The following TTC28 variants were observed in gnomAD, a reference collection of about 807,000 sequenced individuals.
The protein encoded by TTC28 is tetratricopeptide repeat domain 28, also known as tetratricopeptide repeat protein 28.
Under a neutral mutation model 198.0 loss-of-function variants are expected in TTC28, and 61 were observed. The ratio of observed to expected loss-of-function variants is 0.31; its 90% CI spans 0.25 to 0.38. TTC28 has a LOEUF of 0.38. Among genes scored for constraint, TTC28 ranks in the 10% least tolerant of loss-of-function variants. The probability of loss-of-function intolerance (pLI) is 1.00; values close to 1 mark genes in which losing one functional copy is unlikely to be tolerated. For synonymous variants in TTC28, 1,171 were observed against 1,297.8 expected (o/e 0.90, Z 2.10); for missense variants, 2,678 against 3,164.0 (o/e 0.85, Z 3.69).
At chr22:28,308,269 G>T (rs2045184538) in intron 2 of TTC28, among the ~76,000 whole-genome samples, 1 of 151,954 alleles carries the variant, frequency 6.6e-6, no homozygotes, top group African/African-American at 2.4e-5. Context: ...CACTTTTTAG[G>T]TAGTTTCTAT....
chr22:28,144,995 G>C (rs962476106), intron 6 of TTC28, among the ~76,000 whole-genome samples: 1 of 152,214 alleles, frequency 6.6e-6, no homozygotes, highest in Non-Finnish European at 1.5e-5. Context: ...AAGGTACACA[G>C]CTATGAAATA....
chr22:28,113,884 T>C (rs1014894294), intron 6 of TTC28, among the ~76,000 whole-genome samples: 3 of 152,236 alleles, frequency 2.0e-5, no homozygotes, highest in Non-Finnish European at 4.4e-5. Context: ...GCACTGCATA[T>C]ATTCTTCTAT....
intron 6 of TTC28, among the ~76,000 whole-genome samples, chr22:28,132,884 A>G (rs1442929930): frequency 6.6e-6 from 1 of 152,206 alleles, no homozygotes; most frequent in Non-Finnish European, 1.5e-5. Flanking sequence ...CCTATAGACA[A>G]TGTTAAATAA....
intron 5 of TTC28, among the ~76,000 whole-genome samples, chr22:28,204,665 A>G (rs1211828363): frequency 6.6e-6 from 1 of 152,108 alleles, no homozygotes; most frequent in African/African-American, 2.4e-5. Context: ...ACACACAGCC[A>G]AACAGTAATT....
intron 2 of TTC28, among the ~76,000 whole-genome samples, chr22:28,384,441 C>T (rs1415699887): frequency 6.6e-6 from 1 of 152,156 alleles, no homozygotes; most frequent in African/African-American, 2.4e-5. Flanking sequence ...CTTCTGAGTA[C>T]TTATCATCAT....
chr22:28,590,932 G>A (rs1476690155), intron 2 of TTC28, among the ~76,000 whole-genome samples: 1 of 148,152 alleles, frequency 6.7e-6, no homozygotes, highest in Non-Finnish European at 1.5e-5. Context: ...TCGCAACCCG[G>A]GAGACAGAGG....
chr22:28,332,637 C>T (rs2045634953), intron 2 of TTC28, among the ~76,000 whole-genome samples: 1 of 152,114 alleles, frequency 6.6e-6, no homozygotes, highest in Admixed American at 6.6e-5. Context: ...AATCTTCATT[C>T]ACTTCAGTAC....
chr22:28,197,649 G>T (rs1925511578), intron 5 of TTC28, among the ~76,000 whole-genome samples: 1 of 151,924 alleles, frequency 6.6e-6, no homozygotes, highest in African/African-American at 2.4e-5. Context: ...ATATTGTTAA[G>T]AAAATTAAAT....
intron 1 of TTC28, among the ~76,000 whole-genome samples, chr22:28,663,622 C>T (rs187504622): frequency 0.049 from 6,071 of 123,556 alleles, 211 homozygotes; most frequent in Non-Finnish European, 0.069. Context: ...GAGACTATAT[C>T]CCACACCTGG....
intron 2 of TTC28, among the ~76,000 whole-genome samples, chr22:28,603,841 T>G (rs1257723740): frequency 6.6e-6 from 1 of 152,220 alleles, no homozygotes; most frequent in Non-Finnish European, 1.5e-5. Context: ...CTAAATTTAT[T>G]CAATGACTTC....
intron 2 of TTC28, among the ~76,000 whole-genome samples, chr22:28,386,135 C>T (rs71325293): frequency 2.7e-5 from 4 of 150,634 alleles, no homozygotes; most frequent in Non-Finnish European, 4.4e-5. Flanking sequence ...AATAGCCGGG[C>T]GTAGTGGCGG....
At chr22:28,391,483 C>G (rs1310367301) in intron 2 of TTC28, among the ~76,000 whole-genome samples, 1 of 152,208 alleles carries the variant, frequency 6.6e-6, no homozygotes, top group Non-Finnish European at 1.5e-5. Flanking sequence ...GTACACCAAT[C>G]AGATGTAGAT....
At chr22:28,578,167 AAAT>A (rs1405505729) in intron 2 of TTC28, among the ~76,000 whole-genome samples, 2 of 152,152 alleles carry the variant, frequency 1.3e-5, no homozygotes, top group South Asian at 2.1e-4. Context: ...TAAGGCTTGC[AAAT>A]AATATCTTAT....
At position 28,227,226 on chromosome 22, in the gene TTC28, C is replaced by T. The variant is rs576029543; in HGVS notation, c.934-63627G>A. 9.2e-4 allele frequency among the ~76,000 whole-genome samples: 140 copies of T among 152,258 alleles called. 1 individual carries two copies. Among genetic ancestry groups the T allele is most frequent in the African/African-American group, 3.2e-3 (133 of 41,552 alleles). On this transcript the variant is annotated intron_variant, in intron 5 of 22. Coordinates refer to ENST00000397906, the MANE Select transcript of TTC28 (RefSeq NM_001145418.2). ...AAGTGAATCTTTACCTTACACCATA[C>T]ATAAAAATCAACTCAAAATGGATGA...
At chr22:27,993,655 G>A in intron 17 of TTC28, 137 bp from the exon 18 acceptor site, 1 of 816,244 alleles carries the variant, frequency 1.2e-6, no homozygotes, top group South Asian at 1.8e-5. Flanking sequence ...GGCCAGGCCT[G>A]AGGATGTGAC....
intron 5 of TTC28, among the ~76,000 whole-genome samples, chr22:28,244,191 C>T (rs904780871): frequency 2.3e-4 from 35 of 151,938 alleles, no homozygotes; most frequent in Admixed American, 3.3e-4. Flanking sequence ...CAGAGTTGGG[C>T]GGGTTTGAGT....
chr22:28,066,701 G>A (rs1303191447), intron 12 of TTC28, among the ~76,000 whole-genome samples: 1 of 152,136 alleles, frequency 6.6e-6, no homozygotes, highest in Non-Finnish European at 1.5e-5. Context: ...TGTCTCACTG[G>A]ACAACTTGGG....
intron 20 of TTC28, 49 bp downstream of exon 20, chr22:27,990,740 G>A: frequency 1.3e-6 from 2 of 1,536,886 alleles, no homozygotes; most frequent in South Asian, 1.2e-5. Flanking sequence ...GGGGGTGGGT[G>A]GGTTGAGGGG....
chr22:28,323,076 C>T (rs1233533132), intron 2 of TTC28, among the ~76,000 whole-genome samples: 1 of 152,188 alleles, frequency 6.6e-6, no homozygotes, highest in Non-Finnish European at 1.5e-5. Context: ...ACATTTCTTA[C>T]AGGTTTCAGG....
Sources: gnomAD v4.1 joint callset for allele counts (sites outside exome capture counted in the v4.1 genomes callset) on GRCh38, gnomAD v4.1.1 for gene constraint, MANE v1.5 for transcripts, NCBI Gene and HGNC (gene_info 2026-07-23, HGNC 2026-07-21) for gene names.